The following RTN4RL1 variants were observed in gnomAD, a reference collection of about 807,000 sequenced individuals.
RTN4RL1 encodes the protein reticulon-4 receptor-like 1.
In RTN4RL1, 7 loss-of-function variants were observed where a neutral mutation model predicts 25.6. The ratio of observed to expected loss-of-function variants is 0.27; its 90% CI spans 0.16 to 0.51. The LOEUF (loss-of-function observed/expected upper bound fraction) is 0.51, where lower values mean the gene tolerates loss of function less well. Among genes scored for constraint, RTN4RL1 ranks in the 20% least tolerant of loss-of-function variants. The pLI, the probability that RTN4RL1 is intolerant of heterozygous loss-of-function variation, is 0.97. For missense variants in RTN4RL1, 500 were observed against 615.6 expected (o/e 0.81, Z 1.99); for synonymous variants, 297 against 288.2 (o/e 1.03, Z -0.31).
intron 1 of RTN4RL1, among the ~76,000 whole-genome samples, chr17:1,980,926 CAAA>C (rs71723916): frequency 9.2e-5 from 8 of 87,144 alleles, no homozygotes; most frequent in African/African-American, 1.9e-4. Context: ...GATTCTATCT[CAAA>C]AAAAAAAAAA....
At chr17:1,978,014 A>C (rs1426868628) in intron 1 of RTN4RL1, among the ~76,000 whole-genome samples, 1 of 150,218 alleles carries the variant, frequency 6.7e-6, no homozygotes, top group Non-Finnish European at 1.5e-5. Context: ...CGCACCCCGC[A>C]TCCTGCACCC....
intron 1 of RTN4RL1, among the ~76,000 whole-genome samples, chr17:1,989,031 T>C (rs769290416): frequency 6.6e-6 from 1 of 152,078 alleles, no homozygotes; most frequent in African/African-American, 2.4e-5. Flanking sequence ...AGTGATATGA[T>C]CACATCGTGT....
chr17:1,989,249 G>A (rs2040074463), intron 1 of RTN4RL1, among the ~76,000 whole-genome samples: 1 of 152,232 alleles, frequency 6.6e-6, no homozygotes, highest in East Asian at 1.9e-4. Flanking sequence ...ACGAGGGAGA[G>A]GATGACTCAG....
intron 1 of RTN4RL1, among the ~76,000 whole-genome samples, chr17:1,958,575 T>G (rs755594959): frequency 2.1e-4 from 32 of 152,214 alleles, no homozygotes; most frequent in Non-Finnish European, 4.1e-4. Flanking sequence ...CCCCAGGGAT[T>G]TGCTGGAGTT....
At chr17:1,984,695 C>G (rs28533928) in intron 1 of RTN4RL1, among the ~76,000 whole-genome samples, 10,418 of 152,296 alleles carry the variant, frequency 0.068, 968 homozygotes, top group African/African-American at 0.21. Context: ...AGCCGGGCGC[C>G]GTGGCTCACG....
At chr17:2,008,704 C>A (rs72809519) in intron 1 of RTN4RL1, among the ~76,000 whole-genome samples, 1 of 151,888 alleles carries the variant, frequency 6.6e-6, no homozygotes, top group African/African-American at 2.4e-5. Context: ...GATCTGCCAC[C>A]GATCCGTGGC....
At chr17:1,982,667 G>A (rs1350703491) in intron 1 of RTN4RL1, among the ~76,000 whole-genome samples, 1 of 151,252 alleles carries the variant, frequency 6.6e-6, no homozygotes, top group East Asian at 1.9e-4. Flanking sequence ...GGAAGGGGCA[G>A]TTCCACAAAC....
chr17:1,987,191 C>T (rs2066890953), intron 1 of RTN4RL1, among the ~76,000 whole-genome samples: 1 of 152,134 alleles, frequency 6.6e-6, no homozygotes, highest in Admixed American at 6.5e-5. Flanking sequence ...GAGCCGGTCC[C>T]CTCCCCCAGC....
chr17:1,954,399 T>TG (rs1915746707), intron 1 of RTN4RL1, among the ~76,000 whole-genome samples: 1 of 115,464 alleles, frequency 8.7e-6, no homozygotes. Context: ...TTTTTTTTTT[T>TG]TTTTTTGAGA....
intron 1 of RTN4RL1, among the ~76,000 whole-genome samples, chr17:1,987,858 C>A (rs901638645): frequency 6.6e-6 from 1 of 152,164 alleles, no homozygotes; most frequent in Non-Finnish European, 1.5e-5. Flanking sequence ...GTAATCCCAG[C>A]ACTTTGGGAG....
intron 1 of RTN4RL1, among the ~76,000 whole-genome samples, chr17:2,002,006 T>TA (rs1216484792): frequency 6.8e-6 from 1 of 148,144 alleles, no homozygotes; most frequent in East Asian, 2.0e-4. Flanking sequence ...CTTAAAGGAT[T>TA]TTTTTTTTTT....
Position 2,024,931 on chromosome 17 carries a change from A to AG in RTN4RL1, c.-67_-66insC. ...ACTCCCTCCCGGGGTCCAGATTCAA[A>AG]TCCCTGGGCGCCAGCTGCAGCTAAT... is the stretch of plus-strand genomic sequence containing the variant. On this transcript the variant is annotated 5_prime_UTR_variant, in exon 1 of 2. It removes the in-frame stop codon of an upstream open reading frame in the 5' UTR. Transcript: ENST00000331238. 6.6e-7 allele frequency: 1 copy of AG among 1,504,662 alleles called. No homozygotes were observed. The highest frequency in any genetic ancestry group is 9.0e-7 in the Non-Finnish European group (1 of 1,112,606). 93.2% of individuals were successfully genotyped at this position (1,504,662 alleles called of 1,614,324 possible).
intron 1 of RTN4RL1, among the ~76,000 whole-genome samples, chr17:1,960,299 A>G (rs1243353318): frequency 6.6e-6 from 1 of 151,850 alleles, no homozygotes; most frequent in Non-Finnish European, 1.5e-5. Context: ...CCACAGCCTA[A>G]GCACAGCCAG....
In RTN4RL1 at chr17:1,942,891, C is replaced by T. The variant is rs148357797; in HGVS notation, c.14-5083G>A. ...CCTGCAGTGGGAAGGGGGCGACGTGCCCCTTCCTACCCTGGCTCTGTCTCT... is the reference window on the plus strand; with the variant it reads ...CCTGCAGTGGGAAGGGGGCGACGTGTCCCTTCCTACCCTGGCTCTGTCTCT... On this transcript the variant is annotated intron_variant, in intron 1 of 1. Transcript: ENST00000331238. Among the ~76,000 whole-genome samples, 621 of 152,328 alleles carry T rather than the reference C, an allele frequency of 4.1e-3. 6 individuals carry two copies. Among genetic ancestry groups the T allele is most frequent in the African/African-American group, 0.014 (597 of 41,578 alleles).
chr17:1,975,389 G>T (rs188917884), intron 1 of RTN4RL1, among the ~76,000 whole-genome samples: 5 of 152,274 alleles, frequency 3.3e-5, no homozygotes, highest in East Asian at 3.9e-4. Flanking sequence ...GGTGGCTCAT[G>T]CCTGTAATCC....
chr17:1,998,252 G>T lies in RTN4RL1; in HGVS notation c.13+26601C>A, dbSNP rs1444289533. ...TCGCATTGATCCGGAGCTGCAGGGC[G>T]AGGGCGGTGCCCAGACCCGGCGCCC... On this transcript the variant is annotated intron_variant, in intron 1 of 1. Coordinates refer to ENST00000331238, the MANE Select transcript of RTN4RL1 (RefSeq NM_178568.4). The surrounding 1 kb of genome is among the most constrained non-coding windows in gnomAD (Gnocchi z 4.9). Among the ~76,000 whole-genome samples the T allele has an allele frequency of 6.6e-6, 1 of 152,156 alleles. No homozygotes were observed. The highest frequency in any genetic ancestry group is 1.5e-5 in the Non-Finnish European group (1 of 68,002).
At chr17:1,968,754 T>C (rs1172425082) in intron 1 of RTN4RL1, among the ~76,000 whole-genome samples, 2 of 152,244 alleles carry the variant, frequency 1.3e-5, no homozygotes, top group African/African-American at 4.8e-5. Flanking sequence ...CGCACCTGCC[T>C]GGCTCATTGC....
At chr17:2,014,780 T>G (rs532181892) in intron 1 of RTN4RL1, among the ~76,000 whole-genome samples, 1 of 150,680 alleles carries the variant, frequency 6.6e-6, no homozygotes, top group South Asian at 2.1e-4. Context: ...TGCAGTGAGC[T>G]GAGATTGCGC....
chr17:1,976,211 G>A (rs2151314844), intron 1 of RTN4RL1, among the ~76,000 whole-genome samples: 1 of 152,348 alleles, frequency 6.6e-6, no homozygotes, highest in East Asian at 1.9e-4. Flanking sequence ...CAGGGCTACA[G>A]GAGTCTTGCT....
Sources: allele counts gnomAD v4.1 joint callset (sites outside exome capture counted in the v4.1 genomes callset), GRCh38; gene constraint gnomAD v4.1.1; non-coding constraint Gnocchi (gnomAD v3.1); transcripts MANE v1.5; gene names NCBI Gene and HGNC (gene_info 2026-07-23, HGNC 2026-07-21).